Variants in SYT1 observed in about 807,000 individuals in gnomAD.
SYT1 encodes the protein synaptotagmin-1.
In SYT1, 8 loss-of-function variants were observed where a neutral mutation model predicts 44.8. The observed-to-expected ratio is 0.18, with a 90% CI of 0.10 to 0.32. The LOEUF (loss-of-function observed/expected upper bound fraction) is 0.32. Among genes scored for constraint, SYT1 ranks in the 10% least tolerant of loss-of-function variants. SYT1 has a pLI of 1.00. For synonymous variants in SYT1, 154 were observed against 188.8 expected (o/e 0.82, Z 1.51); for missense variants, 286 against 509.3 (o/e 0.56, Z 4.22).
At chr12:78,924,245 A>C (rs117910885) in intron 1 of SYT1, among the ~76,000 whole-genome samples, 3,459 of 152,018 alleles carry the variant, frequency 0.023, 72 homozygotes, top group Non-Finnish European at 0.038. Flanking sequence ...TATCGGGTTA[A>C]GGTGCTGTCT....
chr12:79,193,311 T>A (rs1873244103), intron 3 of SYT1, among the ~76,000 whole-genome samples: 1 of 152,014 alleles, frequency 6.6e-6, no homozygotes, highest in South Asian at 2.1e-4. Flanking sequence ...GGGAAATAAA[T>A]AAATTTTGAC....
At chr12:79,075,772 C>A (rs1876600869) in intron 3 of SYT1, among the ~76,000 whole-genome samples, 2 of 152,052 alleles carry the variant, frequency 1.3e-5, no homozygotes. Context: ...TAAACGATCC[C>A]CAGCATAATT....
Position 79,014,615 on chromosome 12 carries a change from G to A in SYT1, c.-83-32682G>A, listed in dbSNP as rs183407558. ...AGGAACACTTTTACACTGTTGGTGG[G>A]ACTGTATACTAGTTCAACCATGTGG... On this transcript the variant is annotated intron_variant, in intron 2 of 10. Coordinates refer to ENST00000261205, the MANE Select transcript of SYT1 (RefSeq NM_005639.3). 4.4e-4 allele frequency among the ~76,000 whole-genome samples: 67 copies of A among 152,200 alleles called. 1 individual carries two copies. Among genetic ancestry groups the A allele is most frequent in the Middle Eastern group, 3.4e-3 (1 of 294 alleles).
chr12:78,876,463 GTTTTTT>G (rs1555177002), intron 1 of SYT1, among the ~76,000 whole-genome samples: 1 of 41,534 alleles, frequency 2.4e-5, no homozygotes, highest in African/African-American at 6.2e-5. Context: ...AAATGGAGGT[GTTTTTT>G]TTTTTTTTTT....
chr12:79,125,103 T>C (rs933881273), intron 3 of SYT1, among the ~76,000 whole-genome samples: 5 of 152,168 alleles, frequency 3.3e-5, no homozygotes, highest in African/African-American at 4.8e-5. Flanking sequence ...GTCTTTTTAT[T>C]TCTCATGACG....
intron 4 of SYT1, among the ~76,000 whole-genome samples, chr12:79,269,451 C>T (rs896310040): frequency 6.6e-6 from 1 of 152,156 alleles, no homozygotes; most frequent in African/African-American, 2.4e-5. Context: ...TGTTCTCTCA[C>T]TCCACCTCTG....
intron 9 of SYT1, among the ~76,000 whole-genome samples, chr12:79,384,694 G>A (rs1257332953): frequency 6.6e-6 from 1 of 152,164 alleles, no homozygotes; most frequent in Non-Finnish European, 1.5e-5. Flanking sequence ...CAGCCAAAAT[G>A]ATCTAAATTT....
intron 3 of SYT1, among the ~76,000 whole-genome samples, chr12:79,214,079 C>T (rs1874632247): frequency 1.3e-5 from 2 of 152,046 alleles, no homozygotes; most frequent in Admixed American, 1.3e-4. Flanking sequence ...TTGCTATTTA[C>T]AAACAATATT....
chr12:79,291,932 G>GT (rs1370275284), intron 5 of SYT1, 76 bp from the exon 6 acceptor site: 2 of 1,574,716 alleles, frequency 1.3e-6, no homozygotes, highest in African/African-American at 2.7e-5. Context: ...GCTTGGAAGT[G>GT]TAACTACAGG....
At chr12:79,192,245 A>C (rs978444292) in intron 3 of SYT1, among the ~76,000 whole-genome samples, 1 of 152,188 alleles carries the variant, frequency 6.6e-6, no homozygotes, top group African/African-American at 2.4e-5. Context: ...AGGAACCAAA[A>C]TCTATTCCTA....
chr12:78,874,377 T>C (rs1873961446), intron 1 of SYT1, among the ~76,000 whole-genome samples: 1 of 151,462 alleles, frequency 6.6e-6, no homozygotes, highest in Non-Finnish European at 1.5e-5. Context: ...TAAATAGTGA[T>C]AGGCAAATTG....
At chr12:79,406,780 C>A (rs922385734) in intron 9 of SYT1, among the ~76,000 whole-genome samples, 3 of 152,078 alleles carry the variant, frequency 2.0e-5, no homozygotes, top group Non-Finnish European at 1.5e-5. Context: ...CACAATAGCA[C>A]CTACCTCACA....
At chr12:79,324,429 C>G (rs909466468) in intron 8 of SYT1, among the ~76,000 whole-genome samples, 1 of 152,118 alleles carries the variant, frequency 6.6e-6, no homozygotes, top group Non-Finnish European at 1.5e-5. Flanking sequence ...CATGACCCCG[C>G]CTTCATTCCC....
chr12:79,078,802 A>T (rs1298203893), intron 3 of SYT1, among the ~76,000 whole-genome samples: 1 of 152,204 alleles, frequency 6.6e-6, no homozygotes. Flanking sequence ...ACACACACAC[A>T]GAAAGAAACG....
chr12:79,344,278 T>C (rs1211072112), intron 8 of SYT1, among the ~76,000 whole-genome samples: 2 of 152,208 alleles, frequency 1.3e-5, no homozygotes, highest in Non-Finnish European at 2.9e-5. Context: ...TTTATTTTAC[T>C]GTTATTTTGT....
At chr12:79,185,482 A>G (rs369710802) in intron 3 of SYT1, among the ~76,000 whole-genome samples, 168 of 152,130 alleles carry the variant, frequency 1.1e-3, no homozygotes, top group South Asian at 1.9e-3. Context: ...TACACAGATA[A>G]TAAGTGGCCA....
At chr12:78,870,195 T>G (rs73347873) in intron 1 of SYT1, among the ~76,000 whole-genome samples, 2,617 of 152,188 alleles carry the variant, frequency 0.017, 74 homozygotes, top group African/African-American at 0.061. Flanking sequence ...TCATCACAGA[T>G]ACTAGCTTGC....
At chr12:78,951,550 C>T (rs1878970310) in intron 1 of SYT1, among the ~76,000 whole-genome samples, 1 of 151,998 alleles carries the variant, frequency 6.6e-6, no homozygotes, top group Non-Finnish European at 1.5e-5. Flanking sequence ...AATATGGTAT[C>T]TAATAACATA....
At position 79,140,608 on chromosome 12, in the gene SYT1, C is replaced by T. The variant is rs564320769; in HGVS notation, c.-17-76895C>T. Reference sequence around the variant, plus strand: ...CATGCAGGGTTCTACAGATTGCATACATCAGAATCATCTGGAATGCTTATC... The same window carrying T: ...CATGCAGGGTTCTACAGATTGCATATATCAGAATCATCTGGAATGCTTATC... On this transcript the variant is annotated intron_variant, in intron 3 of 10. Coordinates refer to ENST00000261205, the MANE Select transcript of SYT1 (RefSeq NM_005639.3). 6.6e-5 allele frequency among the ~76,000 whole-genome samples: 10 copies of T among 152,298 alleles called. No homozygotes were observed. In the South Asian group the frequency reaches 2.1e-3, roughly 32 times the overall value.
Sources: gnomAD v4.1 joint callset for allele counts (sites outside exome capture counted in the v4.1 genomes callset) on GRCh38, gnomAD v4.1.1 for gene constraint, MANE v1.5 for transcripts, NCBI Gene and HGNC (gene_info 2026-07-23, HGNC 2026-07-21) for gene names.